IL22RA2: variants seen among roughly 807,000 people sequenced by gnomAD.
IL22RA2 encodes interleukin 22 receptor subunit alpha 2.
In IL22RA2, 39 loss-of-function variants were observed where a neutral mutation model predicts 30.7. The observed-to-expected ratio is 1.27, with a 90% confidence interval of 0.98 to 1.66. The LOEUF is 1.66. IL22RA2 is among the 40% of genes most tolerant of loss of function. The pLI is 0.00. For missense variants in IL22RA2, 315 were observed against 312.7 expected, an observed-to-expected ratio of 1.01 and a Z score of -0.05; for synonymous variants, 103 against 105.0, an observed-to-expected ratio of 0.98 and a Z score of 0.11.
At position 137,156,790 on chromosome 6, in the gene IL22RA2, A is replaced by G. The variant is rs369242552; in HGVS notation, c.262T>C (p.Cys88Arg). The change falls in exon 4 of 7, where the codon TGT becomes CGT. Residue 88 changes from cysteine (C) to arginine (R), a missense_variant. Coordinates refer to ENST00000296980, the MANE Select transcript of IL22RA2 (RefSeq NM_052962.3). The part of the protein sequence containing the change: ...KPSGCWQHIS[C>R]NFPGCRTLAK... Reference sequence around the variant, plus strand: ...AATGTTCTGCAGCCTGGGAAGTTACAAGAAATGTGCTGCCAGCATCCACTT... The same window carrying G: ...AATGTTCTGCAGCCTGGGAAGTTACGAGAAATGTGCTGCCAGCATCCACTT... 4 of 1,613,836 alleles carry G rather than the reference A, an allele frequency of 2.5e-6. No homozygotes were observed. The highest frequency in any genetic ancestry group is 1.3e-5 in the African/African-American group (1 of 74,934).
chr6:137,159,086 G>A (rs147395122), intron 2 of IL22RA2, among the ~76,000 whole-genome samples: 376 of 152,302 alleles, frequency 2.5e-3, no homozygotes, highest in African/African-American at 8.4e-3. Flanking sequence ...ATGCTAATGA[G>A]GAAAACTGCC....
intron 3 of IL22RA2, 74 bp downstream of exon 3, chr6:137,158,273 A>C (rs1778450339): frequency 3.2e-6 from 5 of 1,560,648 alleles, no homozygotes; most frequent in South Asian, 2.3e-5. Flanking sequence ...CTCGGATCCT[A>C]ACACTCCATT....
At chr6:137,162,990 A>G (rs1778551941) in intron 1 of IL22RA2, among the ~76,000 whole-genome samples, 1 of 152,180 alleles carries the variant, frequency 6.6e-6, no homozygotes, top group Non-Finnish European at 1.5e-5. Context: ...CTTACACTCA[A>G]GTTAAAAGGG....
Position 137,145,419 on chromosome 6 carries a change from C to CA in IL22RA2, c.*204_*205insT. On this transcript the variant is annotated 3_prime_UTR_variant, in exon 7 of 7. Coordinates refer to ENST00000296980, the MANE Select transcript of IL22RA2 (RefSeq NM_052962.3). ...GCCTCATCTTTACATTTCAATTTTT[C>CA]GGGGGGAATGTCGTTCAAATATAGT... 2.3e-6 allele frequency: 1 copy of CA among 443,496 alleles called. No individual in the cohort carries two copies. Among genetic ancestry groups the CA allele is most frequent in the Non-Finnish European group, 3.9e-6 (1 of 256,214 alleles). The allele number at this position is 443,496 out of a possible 1,614,324, so 27.5% of individuals were successfully genotyped here. A position where few individuals can be genotyped will look rare whatever the true frequency, so the allele number is the denominator to read the frequency against.
chr6:137,163,687 C>T (rs928487872), intron 1 of IL22RA2, among the ~76,000 whole-genome samples: 1 of 152,126 alleles, frequency 6.6e-6, no homozygotes, highest in South Asian at 2.1e-4. Context: ...TAGTCTGACC[C>T]GAGGGGGTTG....
At chr6:137,169,250 A>G (rs1392636035) in intron 1 of IL22RA2, among the ~76,000 whole-genome samples, 1 of 152,246 alleles carries the variant, frequency 6.6e-6, no homozygotes, top group Non-Finnish European at 1.5e-5. Context: ...ACAGAACACA[A>G]TGGAGAAGCT....
chr6:137,161,815 C>CT lies in IL22RA2; in HGVS notation c.-65-2dup. ...AACCAGCTCAGGACCAAAGAGGAAA[C>CT]TGTAAAATCCACAAACAGACAATCA... On this transcript the variant is annotated splice_acceptor_variant, in intron 1 of 6. Coordinates refer to ENST00000296980, the MANE Select transcript of IL22RA2 (RefSeq NM_052962.3). LOFTEE classifies it low-confidence loss of function (5UTR_SPLICE). 1 of 1,277,896 alleles carries CT rather than the reference C, an allele frequency of 7.8e-7. No individual in the cohort carries two copies. Among genetic ancestry groups the CT allele is most frequent in the South Asian group, 1.2e-5 (1 of 80,200 alleles). 79.2% of individuals were successfully genotyped at this position (1,277,896 alleles called of 1,614,324 possible).
chr6:137,170,232 G>T (rs2114401064), intron 1 of IL22RA2, among the ~76,000 whole-genome samples: 1 of 152,306 alleles, frequency 6.6e-6, no homozygotes, highest in South Asian at 2.1e-4. Flanking sequence ...CTACATTTGT[G>T]TCGAGCACCA....
chr6:137,162,304 A>G (rs1469689198), intron 1 of IL22RA2, among the ~76,000 whole-genome samples: 2 of 152,144 alleles, frequency 1.3e-5, no homozygotes, highest in African/African-American at 2.4e-5. Context: ...TAGGTCCCCA[A>G]TTAATCTCCC....
At chr6:137,148,093 A>C (rs1778216390) in intron 5 of IL22RA2, among the ~76,000 whole-genome samples, 1 of 152,208 alleles carries the variant, frequency 6.6e-6, no homozygotes, top group Non-Finnish European at 1.5e-5. Flanking sequence ...AATAAAAAAG[A>C]AAATTGCATA....
chr6:137,151,109 T>A (rs1778280947), intron 5 of IL22RA2, among the ~76,000 whole-genome samples: 1 of 152,036 alleles, frequency 6.6e-6, no homozygotes, highest in African/African-American at 2.4e-5. Context: ...CCCATAATAG[T>A]CAAAACAATC....
intron 1 of IL22RA2, among the ~76,000 whole-genome samples, chr6:137,167,625 T>C (rs947357622): frequency 6.6e-6 from 1 of 152,192 alleles, no homozygotes; most frequent in African/African-American, 2.4e-5. Flanking sequence ...TATTGTGATC[T>C]TGTCTACTCC....
intron 1 of IL22RA2, among the ~76,000 whole-genome samples, chr6:137,165,165 T>G (rs774259214): frequency 1.3e-5 from 2 of 152,026 alleles, no homozygotes; most frequent in Non-Finnish European, 2.9e-5. Flanking sequence ...TGAGAGGCAC[T>G]CCTAAATGGA....
At chr6:137,147,436 T>C (rs1323650676) in intron 6 of IL22RA2, among the ~76,000 whole-genome samples, 1 of 151,340 alleles carries the variant, frequency 6.6e-6, no homozygotes, top group African/African-American at 2.4e-5. Context: ...CCCGTAAAAA[T>C]GAATATTTGT....
intron 5 of IL22RA2, among the ~76,000 whole-genome samples, chr6:137,150,248 A>G (rs1366625799): frequency 2.6e-5 from 4 of 152,102 alleles, no homozygotes. Flanking sequence ...GTCTTGAGGA[A>G]CTAGAAACGT....
intron 1 of IL22RA2, among the ~76,000 whole-genome samples, chr6:137,164,142 G>A (rs1463491793): frequency 1.3e-5 from 2 of 152,150 alleles, no homozygotes; most frequent in Admixed American, 6.5e-5. Context: ...AGTGCGTGCT[G>A]AAAAACTTTA....
chr6:137,151,982 CA>C (rs1283251531), intron 5 of IL22RA2, among the ~76,000 whole-genome samples: 1 of 152,150 alleles, frequency 6.6e-6, no homozygotes, highest in Non-Finnish European at 1.5e-5. Flanking sequence ...GGCATTTCCT[CA>C]AATGATTAAA....
intron 5 of IL22RA2, among the ~76,000 whole-genome samples, chr6:137,149,563 T>C (rs1778245477): frequency 6.6e-6 from 1 of 152,220 alleles, no homozygotes; most frequent in African/African-American, 2.4e-5. Context: ...GAATAAATTT[T>C]CTCTAGTCCT....
intron 3 of IL22RA2, among the ~76,000 whole-genome samples, chr6:137,157,688 C>A (rs59220161): frequency 8.6e-5 from 13 of 151,814 alleles, no homozygotes; most frequent in East Asian, 5.8e-4. Flanking sequence ...CTCACCCCCC[C>A]AGAAATATAT....
Sources: allele counts gnomAD v4.1 joint callset (sites outside exome capture counted in the v4.1 genomes callset), GRCh38; gene constraint gnomAD v4.1.1; transcripts MANE v1.5; gene names NCBI Gene and HGNC (gene_info 2026-07-23, HGNC 2026-07-21).